Variants in CASK observed in about 807,000 individuals in gnomAD.
The protein encoded by CASK is peripheral plasma membrane protein CASK.
Under a neutral mutation model 82.9 loss-of-function variants are expected in CASK, and 4 were observed. That is an observed-to-expected ratio of 0.05 (90% confidence interval 0.02 to 0.11). The LOEUF is 0.11. Ranked by LOEUF, CASK falls within the 10% of genes least tolerant of loss-of-function variation. The pLI, the probability that CASK is intolerant of heterozygous loss-of-function variation, is 1.00. For synonymous variants in CASK, 259 were observed against 253.5 expected (o/e 1.02, Z -0.20); for missense variants, 358 against 720.9 (o/e 0.50, Z 5.76).
intron 5 of CASK, among the ~76,000 whole-genome samples, chrX:41,671,825 C>T (rs2067200717): frequency 8.9e-6 from 1 of 111,884 alleles, no homozygotes; most frequent in African/African-American, 3.3e-5. Flanking sequence ...AACACAGATA[C>T]ATTTTTTTTG....
chrX:41,809,048 G>A (rs1399374996), intron 2 of CASK, among the ~76,000 whole-genome samples: 1 of 112,344 alleles, frequency 8.9e-6, no homozygotes, highest in Non-Finnish European at 1.9e-5. Context: ...GGGGAGGGGT[G>A]CCCGCCATTG....
intron 1 of CASK, among the ~76,000 whole-genome samples, chrX:41,889,659 C>CA (rs1265282884): frequency 1.8e-5 from 2 of 111,961 alleles, no homozygotes; most frequent in Admixed American, 9.5e-5. Context: ...TTAAAACCAG[C>CA]ATAAACACCA....
intron 3 of CASK, chrX:41,786,894 A>G (rs1448611013): frequency 2.7e-5 from 8 of 295,731 alleles, no homozygotes; most frequent in Non-Finnish European, 3.0e-5. Flanking sequence ...ACTGGTCAGA[A>G]GTTTATAGTT....
At chrX:41,569,587 A>G in intron 16 of CASK, 81 bp downstream of exon 16, 1 of 727,083 alleles carries the variant, frequency 1.4e-6, no homozygotes, top group African/African-American at 2.1e-5. Flanking sequence ...CAAAAACAAA[A>G]CAAACAAAAA....
intron 21 of CASK, among the ~76,000 whole-genome samples, chrX:41,548,666 A>C: frequency 8.9e-6 from 1 of 111,765 alleles, no homozygotes; most frequent in Non-Finnish European, 1.9e-5. Flanking sequence ...CTTTTGGTGC[A>C]AGTCAATATG....
intron 3 of CASK, among the ~76,000 whole-genome samples, chrX:41,767,250 C>T (rs969026253): frequency 1.8e-5 from 2 of 111,809 alleles, no homozygotes; most frequent in East Asian, 2.8e-4. Context: ...ACAGTATTTG[C>T]TAAATGCGAA....
chrX:41,854,218 G>A (rs1259108371), intron 1 of CASK, among the ~76,000 whole-genome samples: 15 of 48,606 alleles, frequency 3.1e-4, no homozygotes, highest in Admixed American at 9.7e-4. Flanking sequence ...GCGCGCGCGG[G>A]CGCGCGCACA....
chrX:41,723,544 G>A (rs1279197044), intron 5 of CASK, among the ~76,000 whole-genome samples: 1 of 111,762 alleles, frequency 8.9e-6, no homozygotes, highest in Non-Finnish European at 1.9e-5. Context: ...ATTATGAAAT[G>A]CCCCAAACAG....
chrX:41,517,310 C>T lies in CASK; in HGVS notation c.*3110G>A, dbSNP rs2064565504. 1 of 118,103 alleles carries T rather than the reference C, an allele frequency of 8.5e-6. No individual in the cohort carries two copies. Among genetic ancestry groups the T allele is most frequent in the South Asian group, 3.2e-4 (1 of 3,133 alleles). 9.7% of individuals were successfully genotyped at this position (118,103 alleles called of 1,213,427 possible). A position where few individuals can be genotyped will look rare whatever the true frequency, so the allele number is the denominator to read the frequency against. On this transcript the variant is annotated 3_prime_UTR_variant, in exon 27 of 27. Transcript: ENST00000378163. ...AGAAGTAGGTCAACCATTTGTTTTC[C>T]TCTCTGAGCAAAGATTTTAAATCAT...
intron 2 of CASK, among the ~76,000 whole-genome samples, chrX:41,816,383 T>C (rs1037784241): frequency 9.1e-6 from 1 of 109,539 alleles, no homozygotes; most frequent in African/African-American, 3.3e-5. Flanking sequence ...AGGCAGAAAA[T>C]GAATGAGGAT....
chrX:41,696,106 G>A (rs768784541), intron 5 of CASK: 9 of 1,202,272 alleles, frequency 7.5e-6, no homozygotes, highest in Non-Finnish European at 1.0e-5. Flanking sequence ...AAAATTAATC[G>A]GTCTATACAG....
At chrX:41,803,287 A>G (rs1292009449) in intron 2 of CASK, among the ~76,000 whole-genome samples, 1 of 111,799 alleles carries the variant, frequency 8.9e-6, no homozygotes, top group Non-Finnish European at 1.9e-5. Context: ...TAGCAATAAT[A>G]CATAAAATAA....
intron 16 of CASK, chrX:41,562,640 G>T (rs1365269316): frequency 8.9e-6 from 1 of 111,739 alleles, no homozygotes; most frequent in Non-Finnish European, 1.9e-5. Flanking sequence ...ATAGGTCAAT[G>T]AAAAATATCA....
chrX:41,826,624 A>G (rs975376026), intron 2 of CASK, among the ~76,000 whole-genome samples: 1 of 110,860 alleles, frequency 9.0e-6, no homozygotes, highest in East Asian at 2.8e-4. Context: ...GGTCCATGCC[A>G]CCATGCCTGG....
intron 5 of CASK, among the ~76,000 whole-genome samples, chrX:41,673,977 T>C (rs1017624695): frequency 9.1e-6 from 1 of 109,666 alleles, no homozygotes; most frequent in Non-Finnish European, 1.9e-5. Flanking sequence ...TCTTTTAAAA[T>C]GGCATTTTTG....
At chrX:41,525,836 T>C (rs759884693) in intron 25 of CASK, among the ~76,000 whole-genome samples, 113 of 111,604 alleles carry the variant, frequency 1.0e-3, no homozygotes, top group Non-Finnish European at 1.8e-3. Context: ...TAGTGCAAGG[T>C]TGGCTTTCAC....
At chrX:41,835,270 T>C (rs1274660822) in intron 2 of CASK, among the ~76,000 whole-genome samples, 3 of 111,929 alleles carry the variant, frequency 2.7e-5, no homozygotes, top group Non-Finnish European at 5.6e-5. Flanking sequence ...GCCAGGCTGG[T>C]CTTGAACACC....
chrX:41,842,965 T>G (rs1330004427), intron 2 of CASK, among the ~76,000 whole-genome samples: 1 of 112,166 alleles, frequency 8.9e-6, no homozygotes, highest in African/African-American at 3.2e-5. Flanking sequence ...CATTTTTAGA[T>G]TTTTCACTGC....
chrX:41,765,251 C>A lies in CASK; in HGVS notation c.279-19650G>T, dbSNP rs143311895. 2.5e-4 allele frequency among the ~76,000 whole-genome samples: 28 copies of A among 111,826 alleles called. No individual in the cohort carries two copies. In the East Asian group the frequency reaches 4.2e-3, roughly 17 times the overall value. On this transcript the variant is annotated intron_variant, in intron 3 of 26. Coordinates refer to ENST00000378163, the MANE Select transcript of CASK (RefSeq NM_001367721.1). ...TTTATCTATGACTCTCTTTGTCTAG[C>A]CTTATACATATGAGTACAGTTTTTT...
Sources: gnomAD v4.1 joint callset for allele counts (sites outside exome capture counted in the v4.1 genomes callset) on GRCh38, gnomAD v4.1.1 for gene constraint, MANE v1.5 for transcripts, NCBI Gene and HGNC (gene_info 2026-07-23, HGNC 2026-07-21) for gene names.